The following DNAAF1 variants were observed in gnomAD, a reference collection of about 807,000 sequenced individuals.
The protein encoded by DNAAF1 is dynein axonemal assembly factor 1, also known as dynein assembly factor 1, axonemal.
DNAAF1 carries 65 observed loss-of-function variants against 71.1 expected under a neutral mutation model. The observed-to-expected ratio is 0.91, with a 90% confidence interval of 0.75 to 1.12. The LOEUF (loss-of-function observed/expected upper bound fraction) is 1.12, where lower values mean the gene tolerates loss of function less well. Among genes scored for constraint, DNAAF1 ranks in the 50% most tolerant of loss-of-function variants. The probability of loss-of-function intolerance (pLI) is 0.00; values close to 1 mark genes in which losing one functional copy is unlikely to be tolerated. For missense variants in DNAAF1, 1,178 were observed against 899.8 expected, an observed-to-expected ratio of 1.31 and a Z score of -3.96; for synonymous variants, 414 against 354.6, an observed-to-expected ratio of 1.17 and a Z score of -1.88.
chr16:84,174,126 G>T (rs879088682), intron 9 of DNAAF1: 6 of 956,640 alleles, frequency 6.3e-6, no homozygotes, highest in Non-Finnish European at 7.5e-6. Flanking sequence ...CTAGAAAATG[G>T]TGGTGGGGGA....
chr16:84,177,467 T>G (rs907920177), intron 11 of DNAAF1: 1 of 403,546 alleles, frequency 2.5e-6, no homozygotes, highest in African/African-American at 2.1e-5. Context: ...TAGCTGGTAT[T>G]ATAGGGGCCT....
At chr16:84,173,601 A>G (rs528061607) in intron 9 of DNAAF1, 91 of 900,080 alleles carry the variant, frequency 1.0e-4, no homozygotes, top group African/African-American at 3.0e-4. Context: ...TGGGAGGCCA[A>G]GGTGGGTGGA....
Position 84,150,302 on chromosome 16 carries a change from T to C in DNAAF1, c.312T>C (p.Ile104=), listed in dbSNP as rs372390124. ...TCTGCAAGCAGCACAAGCTTTATAT[T>C]ACCCCAGCATTGAATGATACGCTGT... ...QKLCKQHKLY[I]TPALNDTLYL... Residue 104 remains isoleucine (I), a synonymous_variant, in exon 3 of 12, where the codon ATT becomes ATC. Coordinates refer to ENST00000378553, the MANE Select transcript of DNAAF1 (RefSeq NM_178452.6). 8.7e-6 allele frequency: 14 copies of C among 1,613,902 alleles called. No individual in the cohort carries two copies. The highest frequency in any genetic ancestry group is 1.6e-4 in the Middle Eastern group (1 of 6,082).
At chr16:84,172,508 G>T in intron 9 of DNAAF1, 133 bp downstream of exon 9, 1 of 1,504,422 alleles carries the variant, frequency 6.6e-7, no homozygotes, top group Non-Finnish European at 8.9e-7. Context: ...CATTTCTGGG[G>T]CGCTGGTTAG....
At chr16:84,153,635 C>G (rs1412263291) in intron 3 of DNAAF1, among the ~76,000 whole-genome samples, 2 of 152,188 alleles carry the variant, frequency 1.3e-5, no homozygotes, top group East Asian at 1.9e-4. Context: ...TTAATAAAAA[C>G]TTTTTCAGGC....
chr16:84,148,150 C>A (rs904468247), intron 1 of DNAAF1, among the ~76,000 whole-genome samples: 1 of 152,148 alleles, frequency 6.6e-6, no homozygotes, highest in Non-Finnish European at 1.5e-5. Context: ...AATCCCATTC[C>A]TTTCCTCCCT....
chr16:84,170,010 A>G lies in DNAAF1; in HGVS notation c.1182A>G (p.Pro394=), dbSNP rs139366230. 5.0e-6 allele frequency: 8 copies of G among 1,613,774 alleles called. No homozygotes were observed. The African/African-American group carries it at 1.1e-4, about 22-fold the overall frequency. ...EAKDELCPEK[P]SGEEPPVEAK... ...AGGACGAGCTCTGCCCGGAAAAGCC[A>G]AGTGGAGAGGAGCCGCCTGTGGAGG... Residue 394 remains proline, a synonymous_variant, in exon 8 of 12, where the codon CCA becomes CCG. Coordinates refer to ENST00000378553, the MANE Select transcript of DNAAF1 (RefSeq NM_178452.6).
Position 84,154,723 on chromosome 16 carries a change from G to A in DNAAF1, c.499G>A (p.Glu167Lys). ...FLQMNLLRKI[E>K]NLEPLQKLDA... The stretch of plus-strand genomic sequence containing the variant: ...GCAAATGAACTTGCTCCGTAAAATT[G>A]AGAACCTGGAACCTCTGCAGAAACT... The change falls in exon 4 of 12, where the codon GAG becomes AAG. Residue 167 changes from glutamate to lysine, a missense_variant. Physicochemically the swap from Glu to Lys is moderately conservative, Grantham distance 56 (BLOSUM62 1). Transcript: ENST00000378553. 6.2e-7 allele frequency: 1 copy of A among 1,614,136 alleles called. No homozygotes were observed. Among genetic ancestry groups the A allele is most frequent in the Non-Finnish European group, 8.5e-7 (1 of 1,180,014 alleles).
intron 9 of DNAAF1, chr16:84,174,123 A>G: frequency 1.1e-6 from 1 of 950,812 alleles, no homozygotes; most frequent in Non-Finnish European, 1.3e-6. Flanking sequence ...CAGCTAGAAA[A>G]TGGTGGTGGG....
Position 84,176,205 on chromosome 16 carries a change from C to G in DNAAF1, c.1971C>G (p.Gly657=), listed in dbSNP as rs749959170. The G allele has an allele frequency of 6.2e-7, 1 of 1,613,880 alleles. No individual in the cohort carries two copies. The highest frequency in any genetic ancestry group is 2.2e-5 in the East Asian group (1 of 44,880). Residue 657 remains glycine, a synonymous_variant, in exon 11 of 12, where the codon GGC becomes GGG. Coordinates refer to ENST00000378553, the MANE Select transcript of DNAAF1 (RefSeq NM_178452.6). The stretch of plus-strand genomic sequence containing the variant: ...AGCTCAGCGACGAGGACCCCTCTGG[C>G]CAGCTACTGATGCCCCCCACCTGCC... ...IQELSDEDPS[G]QLLMPPTCQR... is the part of the protein sequence containing the mutation.
Position 84,165,831 on chromosome 16 carries a change from GGA to G in DNAAF1, c.917_918del (p.Arg306ThrfsTer16). 6.2e-7 allele frequency: 1 copy of G among 1,613,696 alleles called. No individual in the cohort carries two copies. The highest frequency in any genetic ancestry group is 8.5e-7 in the Non-Finnish European group (1 of 1,179,986). ...GGGGAGGGTACGCAGCTGAAAAGGA[GGA>G]GAGACAGCAGTGGGAGAGCAGGGAG... ...ARGGYAAEKE[E>X]RQQWESRERK... On this transcript the variant is annotated frameshift_variant, in exon 7 of 12. Coordinates refer to ENST00000378553, the MANE Select transcript of DNAAF1 (RefSeq NM_178452.6). LOFTEE classifies it high-confidence loss of function.
At chr16:84,150,770 C>T (rs113879258) in intron 3 of DNAAF1, among the ~76,000 whole-genome samples, 7 of 152,090 alleles carry the variant, frequency 4.6e-5, no homozygotes, top group African/African-American at 1.4e-4. Flanking sequence ...CCCACCACCA[C>T]GCCTTGCTAA....
In DNAAF1 at chr16:84,172,325, G is replaced by A. The variant is rs760862192; in HGVS notation, c.1594G>A (p.Glu532Lys). 6.2e-7 allele frequency: 1 copy of A among 1,614,128 alleles called. No individual in the cohort carries two copies. The highest frequency in any genetic ancestry group is 8.5e-7 in the Non-Finnish European group (1 of 1,180,050). Residue 532 changes from glutamate (E) to lysine (K), a missense_variant, in exon 9 of 12, where the codon GAA becomes AAA. Transcript: ENST00000378553. ...FVTELDGTRT[E>K]DLETIRLETK... is the part of the protein sequence containing the mutation. ...TACAGAACTTGATGGAACGAGAACG[G>A]AAGATTTAGAAACCATTAGACTGGA...
chr16:84,175,644 GC>G, intron 10 of DNAAF1: 1 of 448,354 alleles, frequency 2.2e-6, no homozygotes, highest in South Asian at 2.2e-5. Context: ...GGCATGCCAA[GC>G]AGAGCCCAGG....
At chr16:84,168,387 G>A (rs946822456) in intron 7 of DNAAF1, among the ~76,000 whole-genome samples, 2 of 152,178 alleles carry the variant, frequency 1.3e-5, no homozygotes, top group Non-Finnish European at 2.9e-5. Context: ...TCCTTTGTCC[G>A]TGTAAGGTAA....
At position 84,175,654 on chromosome 16, in the gene DNAAF1, G is replaced by A. The variant is rs542767042; in HGVS notation, c.1699-279G>A. On this transcript the variant is annotated intron_variant, in intron 10 of 11. Coordinates refer to ENST00000378553, the MANE Select transcript of DNAAF1 (RefSeq NM_178452.6). ...TCAGGGGCATGCCAAGCAGAGCCCAGGGCTCAGGGGTGCGCCCTCTCAGGT... is the reference window on the plus strand; with the variant it reads ...TCAGGGGCATGCCAAGCAGAGCCCAAGGCTCAGGGGTGCGCCCTCTCAGGT... The A allele has an allele frequency of 5.8e-4, 276 of 472,870 alleles. 1 individual carries two copies. The highest frequency in any genetic ancestry group is 5.1e-3 in the African/African-American group (262 of 51,128). The allele number at this position is 472,870 out of a possible 1,614,324, so 29.3% of individuals were successfully genotyped here.
At chr16:84,160,390 A>G (rs1186727167) in intron 6 of DNAAF1, among the ~76,000 whole-genome samples, 3 of 152,340 alleles carry the variant, frequency 2.0e-5, no homozygotes, top group African/African-American at 2.4e-5. Flanking sequence ...TATCAGGAAC[A>G]TCGTACCCTG....
At chr16:84,154,555 C>A in intron 3 of DNAAF1, 22 bp from the exon 4 acceptor site, 1 of 1,611,256 alleles carries the variant, frequency 6.2e-7, no homozygotes, top group East Asian at 2.2e-5. Flanking sequence ...AGCTTAATTC[C>A]CACGTGCTTC....
chr16:84,169,281 T>C (rs2088195960), intron 7 of DNAAF1, among the ~76,000 whole-genome samples: 1 of 151,794 alleles, frequency 6.6e-6, no homozygotes, highest in Non-Finnish European at 1.5e-5. Context: ...AGATGAGGTT[T>C]CACCATGTTT....
Sources: allele counts gnomAD v4.1 joint callset (sites outside exome capture counted in the v4.1 genomes callset), GRCh38; gene constraint gnomAD v4.1.1; transcripts MANE v1.5; gene names NCBI Gene and HGNC (gene_info 2026-07-23, HGNC 2026-07-21).